Variants in LYPD6B observed in about 807,000 individuals in gnomAD.
LYPD6B encodes ly6/PLAUR domain-containing protein 6B.
Under a neutral mutation model 22.8 loss-of-function variants are expected in LYPD6B, and 17 were observed. The ratio of observed to expected loss-of-function variants is 0.75; its 90% CI spans 0.51 to 1.12. The LOEUF (loss-of-function observed/expected upper bound fraction) is 1.12. Ranked by LOEUF, LYPD6B falls within the 50% of genes most tolerant of loss-of-function variation. The pLI is 0.00. For missense variants in LYPD6B, 221 were observed against 258.3 expected (o/e 0.86, Z 0.99); for synonymous variants, 106 against 91.6 (o/e 1.16, Z -0.90).
At chr2:149,058,703 T>C (rs897276631) in intron 1 of LYPD6B, among the ~76,000 whole-genome samples, 3 of 152,188 alleles carry the variant, frequency 2.0e-5, no homozygotes, top group Non-Finnish European at 4.4e-5. Flanking sequence ...CACTACAACC[T>C]CCACCTCCCA....
chr2:149,190,410 A>G (rs1029585120), intron 3 of LYPD6B, among the ~76,000 whole-genome samples: 1 of 152,206 alleles, frequency 6.6e-6, no homozygotes, highest in Non-Finnish European at 1.5e-5. Context: ...TTGTACATGT[A>G]TGCAAGTCTA....
At chr2:149,098,861 A>G (rs1204255117) in intron 1 of LYPD6B, among the ~76,000 whole-genome samples, 1 of 150,878 alleles carries the variant, frequency 6.6e-6, no homozygotes, top group Non-Finnish European at 1.5e-5. Context: ...CTGCACTTTT[A>G]CAAGGCTCCC....
At chr2:149,175,514 C>G (rs1363989204) in intron 3 of LYPD6B, among the ~76,000 whole-genome samples, 1 of 151,920 alleles carries the variant, frequency 6.6e-6, no homozygotes, top group Admixed American at 6.6e-5. Flanking sequence ...TTAGGCTACA[C>G]TAAATTTATT....
intron 3 of LYPD6B, among the ~76,000 whole-genome samples, chr2:149,163,708 CCT>C (rs752417001): frequency 9.2e-5 from 14 of 152,094 alleles, no homozygotes; most frequent in African/African-American, 3.1e-4. Flanking sequence ...ATTTTTTCCC[CCT>C]GTGTCCTGGA....
chr2:149,209,442 A>T (rs1693705322), intron 5 of LYPD6B, among the ~76,000 whole-genome samples: 1 of 151,802 alleles, frequency 6.6e-6, no homozygotes, highest in Non-Finnish European at 1.5e-5. Flanking sequence ...AAATGTTAAA[A>T]CCCTACTTAG....
At chr2:149,047,170 G>T (rs146579304) in intron 1 of LYPD6B, among the ~76,000 whole-genome samples, 26 of 152,236 alleles carry the variant, frequency 1.7e-4, no homozygotes, top group Admixed American at 5.2e-4. Context: ...TCTTTGTGTA[G>T]ATCCAAGTTT....
chr2:149,145,618 G>A (rs1295335968), intron 2 of LYPD6B, among the ~76,000 whole-genome samples: 2 of 152,116 alleles, frequency 1.3e-5, no homozygotes, highest in Non-Finnish European at 2.9e-5. Flanking sequence ...AGAGAAAGAG[G>A]GGGTGGATGG....
At chr2:149,099,125 T>C (rs181639136) in intron 1 of LYPD6B, among the ~76,000 whole-genome samples, 232 of 152,258 alleles carry the variant, frequency 1.5e-3, no homozygotes, top group African/African-American at 5.3e-3. Flanking sequence ...GGTAAATCTC[T>C]TCAGAGAGGG....
chr2:149,195,562 G>A (rs1167495386), intron 3 of LYPD6B, among the ~76,000 whole-genome samples: 1 of 152,220 alleles, frequency 6.6e-6, no homozygotes, highest in Non-Finnish European at 1.5e-5. Context: ...GTATGTTAGA[G>A]TAGTTTTCTT....
At chr2:149,207,073 A>G (rs1266415466) in intron 4 of LYPD6B, among the ~76,000 whole-genome samples, 11 of 152,180 alleles carry the variant, frequency 7.2e-5, no homozygotes. Context: ...GGTTGTGCCA[A>G]TTTATACTTT....
rs376465731 is a variant in LYPD6B, at chr2:149,131,036, C to T, written c.5+83C>T. The stretch of plus-strand genomic sequence containing the variant: ...CTTACCACATGAGCTACTCATGCTT[C>T]GCAAAAATATATTAAACATTTGTGA... On this transcript the variant is annotated intron_variant, in intron 2 of 6. Transcript: ENST00000409642. The T allele has an allele frequency of 6.7e-4, 600 of 901,614 alleles. 3 individuals are homozygous for T. Among genetic ancestry groups the T allele is most frequent in the South Asian group, 3.4e-3 (240 of 71,554 alleles). The allele number at this position is 901,614 out of a possible 1,614,324, so 55.9% of individuals were successfully genotyped here. A position where few individuals can be genotyped will look rare whatever the true frequency, so the allele number is the denominator to read the frequency against.
chr2:149,192,456 A>T, intron 3 of LYPD6B, among the ~76,000 whole-genome samples: 4 of 144,628 alleles, frequency 2.8e-5, no homozygotes, highest in South Asian at 2.2e-4. Context: ...TATCTCCTAG[A>T]CTCTGTCTAT....
At chr2:149,134,047 C>T (rs1688193467) in intron 2 of LYPD6B, among the ~76,000 whole-genome samples, 1 of 151,954 alleles carries the variant, frequency 6.6e-6, no homozygotes, top group African/African-American at 2.4e-5. Context: ...GCAAAGCAAG[C>T]CAGCAGGGAA....
chr2:149,142,826 T>C (rs371836284), intron 2 of LYPD6B, among the ~76,000 whole-genome samples: 1 of 152,256 alleles, frequency 6.6e-6, no homozygotes, highest in East Asian at 1.9e-4. Context: ...GAACTAAGTA[T>C]TTTTTTAATC....
At chr2:149,165,234 C>T (rs1575097601) in intron 3 of LYPD6B, among the ~76,000 whole-genome samples, 1 of 152,222 alleles carries the variant, frequency 6.6e-6, no homozygotes, top group African/African-American at 2.4e-5. Flanking sequence ...TCAGAAATTA[C>T]GTAGCCTCTC....
At chr2:149,117,364 G>T (rs1687059023) in intron 1 of LYPD6B, among the ~76,000 whole-genome samples, 1 of 151,360 alleles carries the variant, frequency 6.6e-6, no homozygotes, top group Admixed American at 6.6e-5. Context: ...TCTGCCTCCC[G>T]GGTTCAAGTG....
At chr2:149,202,311 C>G (rs1049559797) in intron 3 of LYPD6B, among the ~76,000 whole-genome samples, 3 of 152,070 alleles carry the variant, frequency 2.0e-5, no homozygotes, top group Non-Finnish European at 4.4e-5. Context: ...GTGATCTGGT[C>G]CCACCGACTC....
intron 3 of LYPD6B, among the ~76,000 whole-genome samples, chr2:149,201,621 A>C (rs1451931641): frequency 6.6e-6 from 1 of 152,208 alleles, no homozygotes; most frequent in Non-Finnish European, 1.5e-5. Flanking sequence ...ATATAGATAG[A>C]TATAGGTGCT....
intron 2 of LYPD6B, chr2:149,131,196 G>T: frequency 2.1e-6 from 1 of 469,568 alleles, no homozygotes. Flanking sequence ...AGAATGTTTT[G>T]ATGTAAAGGT....
Sources: gnomAD v4.1 joint callset for allele counts (sites outside exome capture counted in the v4.1 genomes callset) on GRCh38, gnomAD v4.1.1 for gene constraint, MANE v1.5 for transcripts, NCBI Gene and HGNC (gene_info 2026-07-23, HGNC 2026-07-21) for gene names.